Variants in WDR19 observed in about 807,000 individuals in gnomAD.
WDR19 encodes WD repeat-containing protein 19.
Under a neutral mutation model 180.0 loss-of-function variants are expected in WDR19, and 121 were observed. The observed-to-expected ratio is 0.67, with a 90% CI of 0.58 to 0.78. WDR19 has a LOEUF of 0.78. Among genes scored for constraint, WDR19 ranks in the 30% least tolerant of loss-of-function variants. The pLI, the probability that WDR19 is intolerant of heterozygous loss-of-function variation, is 0.00. For synonymous variants in WDR19, 497 were observed against 540.7 expected, an observed-to-expected ratio of 0.92 and a Z score of 1.12; for missense variants, 1,450 against 1,640.7, an observed-to-expected ratio of 0.88 and a Z score of 2.01.
chr4:39,247,446 G>A (rs192144029), intron 24 of WDR19, among the ~76,000 whole-genome samples: 158 of 152,170 alleles, frequency 1.0e-3, no homozygotes, highest in Admixed American at 2.6e-3. Flanking sequence ...AAATCAGAGC[G>A]CCTCTCCTCC....
intron 17 of WDR19, among the ~76,000 whole-genome samples, chr4:39,229,609 A>G (rs1467871055): frequency 6.6e-6 from 1 of 151,646 alleles, no homozygotes; most frequent in African/African-American, 2.4e-5. Flanking sequence ...TGACGTTCTA[A>G]TTCTTCCGAG....
chr4:39,273,093 G>A (rs1735540732), intron 32 of WDR19, 32 bp downstream of exon 32: 1 of 1,494,812 alleles, frequency 6.7e-7, no homozygotes, highest in Non-Finnish European at 9.1e-7. Flanking sequence ...TCTCACCCAT[G>A]CCCCATGCCC....
At chr4:39,244,443 T>G (rs368158226) in intron 22 of WDR19, 27 bp from the exon 23 acceptor site, 2 of 1,613,778 alleles carry the variant, frequency 1.2e-6, no homozygotes, top group African/African-American at 2.7e-5. Flanking sequence ...AATAACTTAG[T>G]ATTTTAATAA....
chr4:39,267,754 C>G (rs1355345429), intron 29 of WDR19, among the ~76,000 whole-genome samples: 1 of 152,106 alleles, frequency 6.6e-6, no homozygotes, highest in East Asian at 1.9e-4. Context: ...TGCCTTCTTC[C>G]TAGGGTGGGT....
intron 32 of WDR19, 132 bp downstream of exon 32, chr4:39,273,193 G>C: frequency 1.5e-6 from 1 of 674,308 alleles, no homozygotes; most frequent in Non-Finnish European, 2.5e-6. Flanking sequence ...GAAGTGGTAT[G>C]TCAGGGCCCC....
At chr4:39,230,042 C>T (rs1183805819) in intron 17 of WDR19, among the ~76,000 whole-genome samples, 1 of 152,176 alleles carries the variant, frequency 6.6e-6, no homozygotes, top group Non-Finnish European at 1.5e-5. Context: ...GTAACGATCT[C>T]ATCTGTTCTC....
intron 13 of WDR19, 52 bp downstream of exon 13, chr4:39,217,292 T>A: frequency 1.5e-6 from 2 of 1,349,452 alleles, no homozygotes; most frequent in Non-Finnish European, 2.1e-6. Flanking sequence ...ATGAACAGCC[T>A]AATGTCTGAT....
Position 39,216,168 on chromosome 4 carries a change from G to A in WDR19, c.1207G>A (p.Gly403Arg). ...VAVGLYHLAV[G>R]MNNRAWFYVL... is the part of the protein sequence containing the mutation. ...AGTAGGTCTTTATCATCTGGCTGTA[G>A]GAATGAATAATCGAGCTTGGTTTTA... The change falls in exon 12 of 37, where the codon GGA becomes AGA. Residue 403 changes from glycine (G) to arginine (R), a missense_variant. Coordinates refer to ENST00000399820, the MANE Select transcript of WDR19 (RefSeq NM_025132.4). The A allele has an allele frequency of 1.3e-6, 2 of 1,588,698 alleles. No individual in the cohort carries two copies. The highest frequency in any genetic ancestry group is 1.7e-6 in the Non-Finnish European group (2 of 1,167,448).
rs565575942 is a variant in WDR19, at chr4:39,214,071, C to T, written c.891-530C>T. On this transcript the variant is annotated intron_variant, in intron 9 of 36. Transcript: ENST00000399820. ...CACAACTTTCATTTACATCAACTTA[C>T]TTATTCTTACTACAACCTTATGAAA... is the stretch of plus-strand genomic sequence containing the variant. Among the ~76,000 whole-genome samples the T allele has an allele frequency of 1.6e-4, 25 of 152,304 alleles. No individual in the cohort carries two copies. In the South Asian group the frequency reaches 5.2e-3, roughly 32 times the overall value.
At chr4:39,210,930 A>T (rs952144287) in intron 9 of WDR19, among the ~76,000 whole-genome samples, 1 of 152,006 alleles carries the variant, frequency 6.6e-6, no homozygotes, top group Non-Finnish European at 1.5e-5. Flanking sequence ...TGAGCCCAAG[A>T]GTTCAAGACC....
At chr4:39,227,012 G>C (rs149465462) in intron 15 of WDR19, among the ~76,000 whole-genome samples, 1 of 151,850 alleles carries the variant, frequency 6.6e-6, no homozygotes, top group Non-Finnish European at 1.5e-5. Context: ...GGTGTGCAAT[G>C]GTATCTCAAT....
chr4:39,273,002 A>C lies in WDR19; in HGVS notation c.3506A>C (p.His1169Pro). The C allele has an allele frequency of 6.2e-7, 1 of 1,604,324 alleles. No individual in the cohort carries two copies. The highest frequency in any genetic ancestry group is 8.5e-7 in the Non-Finnish European group (1 of 1,175,690). ...LVKIHVKNGDHMKGARMLIRV... is the reference protein window; with the variant it reads ...LVKIHVKNGDPMKGARMLIRV... ...CAGATTCATGTTAAAAATGGAGATCACATGAAAGGGGCTCGCATGCTCATT... is the reference window on the plus strand; with the variant it reads ...CAGATTCATGTTAAAAATGGAGATCCCATGAAAGGGGCTCGCATGCTCATT... The change falls in exon 32 of 37, where the codon CAC (histidine) becomes CCC (proline). Residue 1169 changes from histidine (H) to proline (P), a missense_variant. Transcript: ENST00000399820.
intron 14 of WDR19, among the ~76,000 whole-genome samples, chr4:39,221,476 T>C (rs1374304532): frequency 6.6e-6 from 1 of 152,252 alleles, no homozygotes; most frequent in Non-Finnish European, 1.5e-5. Flanking sequence ...TTGGCAGCTT[T>C]ATTGAAGTTT....
In WDR19 at chr4:39,274,923, T is replaced by C. The variant is rs573727744; in HGVS notation, c.3681T>C (p.Asp1227=). ...LMRPEYRSKI[D]AKYKKKIEGM... ...GGCCTGAATACCGCAGCAAAATAGATGCCAAATACAAAAAGAAGATCGAGG... is the reference window on the plus strand; with the variant it reads ...GGCCTGAATACCGCAGCAAAATAGACGCCAAATACAAAAAGAAGATCGAGG... The change falls in exon 33 of 37, where the codon GAT becomes GAC. Residue 1227 remains aspartate, a synonymous_variant. Transcript: ENST00000399820. The C allele has an allele frequency of 3.7e-6, 6 of 1,614,042 alleles. No homozygotes were observed. In the East Asian group the frequency reaches 6.7e-5, roughly 18 times the overall value.
chr4:39,269,467 G>C (rs1011451041), intron 30 of WDR19, among the ~76,000 whole-genome samples: 3 of 152,198 alleles, frequency 2.0e-5, no homozygotes, highest in Admixed American at 2.0e-4. Context: ...GGCCAGGGGG[G>C]TGCCCTGAGG....
At chr4:39,190,595 T>A (rs1560475236) in intron 4 of WDR19, among the ~76,000 whole-genome samples, 1 of 152,216 alleles carries the variant, frequency 6.6e-6, no homozygotes, top group Non-Finnish European at 1.5e-5. Flanking sequence ...ATACACGCTA[T>A]GAGACCAGAC....
intron 17 of WDR19, among the ~76,000 whole-genome samples, chr4:39,231,315 CAAAAAAAAAA>C (rs56002679): frequency 2.3e-5 from 2 of 87,280 alleles, no homozygotes. Context: ...ACTCCGTCTT[CAAAAAAAAAA>C]AAAAAAAAAA....
intron 20 of WDR19, 98 bp downstream of exon 20, chr4:39,234,973 A>G (rs546759402): frequency 5.7e-6 from 4 of 702,854 alleles, no homozygotes; most frequent in Admixed American, 2.9e-5. Context: ...CATTGATTTA[A>G]TAATTTTTTT....
chr4:39,210,025 G>C (rs1273601384), intron 9 of WDR19, among the ~76,000 whole-genome samples: 1 of 152,152 alleles, frequency 6.6e-6, no homozygotes, highest in African/African-American at 2.4e-5. Flanking sequence ...AATGGAATTA[G>C]TGATTTAAAT....
Sources: allele counts gnomAD v4.1 joint callset (sites outside exome capture counted in the v4.1 genomes callset), GRCh38; gene constraint gnomAD v4.1.1; transcripts MANE v1.5; gene names NCBI Gene and HGNC (gene_info 2026-07-23, HGNC 2026-07-21).